Variants in RREB1 observed in about 807,000 individuals in gnomAD.
RREB1 encodes ras responsive element binding protein 1, also known as ras-responsive element-binding protein 1.
A neutral mutation model predicts 117.8 loss-of-function variants in RREB1; 27 were observed. The observed-to-expected ratio is 0.23, with a 90% CI of 0.17 to 0.32. The LOEUF (loss-of-function observed/expected upper bound fraction) is 0.32, where lower values mean the gene tolerates loss of function less well. Ranked by LOEUF, RREB1 falls within the 10% of genes least tolerant of loss-of-function variation. The pLI is 1.00. For missense variants in RREB1, 2,577 were observed against 2,378.2 expected (o/e 1.08, Z -1.74); for synonymous variants, 1,298 against 1,026.7 (o/e 1.26, Z -5.05).
chr6:7,175,154 G>C (rs1008162463), intron 1 of RREB1, among the ~76,000 whole-genome samples: 82 of 152,202 alleles, frequency 5.4e-4, no homozygotes, highest in African/African-American at 1.9e-3. Flanking sequence ...GATGGGTGAA[G>C]ATAGTCTGAA....
In RREB1 at chr6:7,231,604, G is replaced by T. The variant is rs756591560; in HGVS notation, c.3505G>T (p.Gly1169Trp). 6.2e-7 allele frequency: 1 copy of T among 1,611,932 alleles called. No homozygotes were observed. Among genetic ancestry groups the T allele is most frequent in the Middle Eastern group, 1.7e-4 (1 of 5,850 alleles). Reference sequence around the variant, plus strand: ...GAGCCGACCCCGCGCCAACAGCGGCGGGGTGGACCTGGACTCCAGCGGGGA... The same window carrying T: ...GAGCCGACCCCGCGCCAACAGCGGCTGGGTGGACCTGGACTCCAGCGGGGA... ...MRSRPRANSGGVDLDSSGEFA... is the reference protein window; with the variant it reads ...MRSRPRANSGWVDLDSSGEFA... The change falls in exon 10 of 13, where the codon GGG becomes TGG. Residue 1169 changes from glycine (G) to tryptophan (W), a missense_variant. Transcript: ENST00000379938.
At chr6:7,188,087 T>C (rs1273002394) in intron 5 of RREB1, among the ~76,000 whole-genome samples, 1 of 152,146 alleles carries the variant, frequency 6.6e-6, no homozygotes, top group Non-Finnish European at 1.5e-5. Flanking sequence ...GAGAATCACT[T>C]GAACCCGGGA....
intron 1 of RREB1, among the ~76,000 whole-genome samples, chr6:7,121,748 C>T (rs1761689964): frequency 6.6e-6 from 1 of 152,060 alleles, no homozygotes; most frequent in Admixed American, 6.6e-5. Flanking sequence ...TTGGTTTCTA[C>T]TACGTTAATT....
intron 8 of RREB1, among the ~76,000 whole-genome samples, chr6:7,221,639 G>A (rs1238247165): frequency 1.3e-5 from 2 of 152,204 alleles, no homozygotes; most frequent in Admixed American, 1.3e-4. Flanking sequence ...GGATCACCTT[G>A]CTTAGACTCT....
intron 8 of RREB1, among the ~76,000 whole-genome samples, chr6:7,226,220 G>A (rs746049187): frequency 3.3e-5 from 5 of 152,182 alleles, no homozygotes; most frequent in Admixed American, 6.5e-5. Flanking sequence ...TGTTTAGGTC[G>A]TACGTACACC....
At chr6:7,244,530 A>G (rs1463391046) in intron 11 of RREB1, among the ~76,000 whole-genome samples, 1 of 152,228 alleles carries the variant, frequency 6.6e-6, no homozygotes, top group East Asian at 1.9e-4. Context: ...AAAAACGAAC[A>G]TCTAGTTTTT....
chr6:7,108,797 G>C (rs1477474062), intron 1 of RREB1: 2 of 151,586 alleles, frequency 1.3e-5, no homozygotes, highest in African/African-American at 2.4e-5. Context: ...TGCGGACTTT[G>C]AACCTCCCGG....
intron 6 of RREB1, among the ~76,000 whole-genome samples, chr6:7,192,033 C>T (rs576597618): frequency 3.3e-5 from 5 of 149,460 alleles, no homozygotes; most frequent in African/African-American, 1.2e-4. Context: ...AATAAATGTT[C>T]CTTACCAGTT....
chr6:7,142,177 C>G (rs903842892), intron 1 of RREB1, among the ~76,000 whole-genome samples: 3 of 151,696 alleles, frequency 2.0e-5, no homozygotes, highest in Admixed American at 2.0e-4. Flanking sequence ...ATCGCGCCAC[C>G]GCACTCCAGC....
chr6:7,210,599 C>T (rs1766525835), intron 6 of RREB1, among the ~76,000 whole-genome samples: 4 of 152,158 alleles, frequency 2.6e-5, no homozygotes, highest in Admixed American at 2.6e-4. Flanking sequence ...TTAAGCAACG[C>T]TTTTGGACAG....
intron 11 of RREB1, among the ~76,000 whole-genome samples, chr6:7,244,728 A>G (rs981445979): frequency 2.6e-5 from 4 of 152,232 alleles, no homozygotes; most frequent in Non-Finnish European, 4.4e-5. Context: ...AACTAATGAA[A>G]TGAAATGATG....
intron 1 of RREB1, among the ~76,000 whole-genome samples, chr6:7,123,817 T>A (rs1023759714): frequency 2.0e-5 from 3 of 152,186 alleles, no homozygotes; most frequent in African/African-American, 7.2e-5. Context: ...TTCACTGTGT[T>A]AGCCAGGATG....
intron 1 of RREB1, among the ~76,000 whole-genome samples, chr6:7,122,615 C>T (rs1761726748): frequency 6.6e-6 from 1 of 152,232 alleles, no homozygotes; most frequent in South Asian, 2.1e-4. Context: ...CAAAACTCAA[C>T]AAAGACCTTC....
intron 9 of RREB1, among the ~76,000 whole-genome samples, chr6:7,228,495 CTTTTT>C (rs568193582): frequency 4.4e-5 from 4 of 91,230 alleles, no homozygotes; most frequent in Admixed American, 2.3e-4. Flanking sequence ...AGAAGGTCAA[CTTTTT>C]TTTTTTTTTT....
intron 1 of RREB1, among the ~76,000 whole-genome samples, chr6:7,138,852 A>G (rs1173167099): frequency 6.6e-6 from 1 of 152,230 alleles, no homozygotes; most frequent in Non-Finnish European, 1.5e-5. Context: ...AATCCTCCGT[A>G]ATAAGAGTAT....
intron 1 of RREB1, among the ~76,000 whole-genome samples, chr6:7,164,104 C>T (rs1203921065): frequency 2.0e-5 from 3 of 152,214 alleles, no homozygotes; most frequent in African/African-American, 2.4e-5. Flanking sequence ...GGTCGCCACA[C>T]ATGCCCTGTC....
chr6:7,229,109 C>T lies in RREB1; in HGVS notation c.1010C>T (p.Thr337Ile). ...TGCTCACTGGCTCTGCACAAGCAGA[C>T]CCATGTGGCGGCAGACCAGGGTCAA... Reference protein sequence around the residue: ...MLCSLALHKQTHVAADQGQEK... With the variant: ...MLCSLALHKQIHVAADQGQEK... Residue 337 changes from threonine (T) to isoleucine (I), a missense_variant, in exon 10 of 13, where the codon ACC becomes ATC. Transcript: ENST00000379938. The surrounding 1 kb of genome is among the most constrained non-coding windows in gnomAD (Gnocchi z 4.5). The T allele has an allele frequency of 6.2e-7, 1 of 1,607,760 alleles. No homozygotes were observed. Among genetic ancestry groups the T allele is most frequent in the Non-Finnish European group, 8.5e-7 (1 of 1,174,968 alleles).
intron 1 of RREB1, among the ~76,000 whole-genome samples, chr6:7,120,800 CCA>C (rs1213013289): frequency 1.3e-5 from 2 of 150,876 alleles, no homozygotes; most frequent in African/African-American, 4.9e-5. Context: ...GTGTGCGCCA[CCA>C]CGCTTGGCTA....
In RREB1 at chr6:7,228,809, A is replaced by AT. The variant is rs1358390089; in HGVS notation, c.898-179dup. On this transcript the variant is annotated intron_variant, in intron 9 of 12. Transcript: ENST00000379938. ...AGGCATGAGCCAACACACCTGGCTA[A>AT]TTTTTTTTTATTTTTTGTAGAGATA... Among the ~76,000 whole-genome samples, 541 of 151,476 alleles carry AT rather than the reference A, an allele frequency of 3.6e-3. 1 individual carries two copies. The highest frequency in any genetic ancestry group is 0.017 in the Middle Eastern group (5 of 294).
Sources: gnomAD v4.1 joint callset for allele counts (sites outside exome capture counted in the v4.1 genomes callset) on GRCh38, gnomAD v4.1.1 for gene constraint, Gnocchi (gnomAD v3.1) non-coding constraint, MANE v1.5 for transcripts, NCBI Gene and HGNC (gene_info 2026-07-23, HGNC 2026-07-21) for gene names.